Variants in PPP3CB observed in about 807,000 individuals in gnomAD.
PPP3CB encodes the protein serine/threonine-protein phosphatase 2B catalytic subunit beta isoform.
Under a neutral mutation model 66.4 loss-of-function variants are expected in PPP3CB, and 8 were observed. That is an observed-to-expected ratio of 0.12 (90% CI 0.07 to 0.22). The LOEUF (loss-of-function observed/expected upper bound fraction) is 0.22, where lower values mean the gene tolerates loss of function less well. PPP3CB is among the 10% of genes least tolerant of loss of function. The pLI is 1.00. For missense variants in PPP3CB, 319 were observed against 642.5 expected (o/e 0.50, Z 5.44); for synonymous variants, 208 against 221.2 (o/e 0.94, Z 0.53).
intron 1 of PPP3CB, among the ~76,000 whole-genome samples, chr10:73,488,690 T>C (rs2057026886): frequency 1.3e-5 from 2 of 152,076 alleles, no homozygotes; most frequent in South Asian, 2.1e-4. Context: ...AATTTCAAGG[T>C]ATCCATTGGG....
intron 1 of PPP3CB, among the ~76,000 whole-genome samples, chr10:73,480,897 T>A (rs75275023): frequency 0.045 from 6,793 of 152,284 alleles, 461 homozygotes; most frequent in African/African-American, 0.15. Context: ...AACATGAACA[T>A]CTATTTCAAT....
intron 12 of PPP3CB, among the ~76,000 whole-genome samples, chr10:73,441,742 G>A (rs1255040169): frequency 6.6e-6 from 1 of 152,120 alleles, no homozygotes; most frequent in Non-Finnish European, 1.5e-5. Context: ...ATCCTGGTGA[G>A]GGTAGCATTA....
chr10:73,487,588 A>AAC (rs1564570363), intron 1 of PPP3CB, among the ~76,000 whole-genome samples: 1 of 148,854 alleles, frequency 6.7e-6, no homozygotes, highest in African/African-American at 2.6e-5. Flanking sequence ...AAAAAAACAA[A>AAC]CAGGAAAAAC....
At position 73,438,164 on chromosome 10, in the gene PPP3CB, C is replaced by G. The variant is rs930857032; in HGVS notation, c.*78G>C. 97 of 1,394,094 alleles carry G rather than the reference C, an allele frequency of 7.0e-5. No homozygotes were observed. The highest frequency in any genetic ancestry group is 1.1e-5 in the Non-Finnish European group (11 of 1,016,372). 86.4% of individuals were successfully genotyped at this position (1,394,094 alleles called of 1,614,324 possible). A position where few individuals can be genotyped will look rare whatever the true frequency, so the allele number is the denominator to read the frequency against. On this transcript the variant is annotated 3_prime_UTR_variant, in exon 14 of 14. Coordinates refer to ENST00000360663, the MANE Select transcript of PPP3CB (RefSeq NM_021132.4). ...GAGAGACTGTGAAATTTACAGTCAG[C>G]TTGGCCGACCCCTCCAGCTCCTCGG...
At chr10:73,460,883 T>C (rs2056509348) in intron 9 of PPP3CB, among the ~76,000 whole-genome samples, 1 of 152,176 alleles carries the variant, frequency 6.6e-6, no homozygotes, top group African/African-American at 2.4e-5. Context: ...AGAAGGTGTA[T>C]GAGAAAGCCT....
rs141178652 is a variant in PPP3CB, at chr10:73,483,652, G to A, written c.86-4135C>T. 1.1e-4 allele frequency among the ~76,000 whole-genome samples: 16 copies of A among 152,122 alleles called. 1 individual carries two copies. The South Asian group carries it at 1.2e-3, about 12-fold the overall frequency. On this transcript the variant is annotated intron_variant, in intron 1 of 13. Transcript: ENST00000360663. ...AGCCTGGGAGACAGAGCAAGACTCC[G>A]TCTAAAGATAAAAAATAAAAATAAA...
chr10:73,490,340 A>G (rs865889965), intron 1 of PPP3CB, among the ~76,000 whole-genome samples: 2 of 152,206 alleles, frequency 1.3e-5, no homozygotes, highest in South Asian at 4.1e-4. Context: ...TTAATTTTTC[A>G]TGAATATTTA....
chr10:73,471,795 CAGAT>C (rs1206281501), intron 4 of PPP3CB, among the ~76,000 whole-genome samples, 182 bp from the exon 5 acceptor site: 2 of 152,154 alleles, frequency 1.3e-5, no homozygotes, highest in African/African-American at 4.8e-5. Flanking sequence ...GACAGACAGA[CAGAT>C]GGCAAGAAAA....
chr10:73,460,415 G>A (rs111956357), intron 9 of PPP3CB, among the ~76,000 whole-genome samples: 6,787 of 151,930 alleles, frequency 0.045, 460 homozygotes, highest in African/African-American at 0.15. Flanking sequence ...GGACATAAAC[G>A]ATAAAGCAAG....
At chr10:73,472,524 TA>T (rs1260063301) in intron 4 of PPP3CB, among the ~76,000 whole-genome samples, 1 of 151,902 alleles carries the variant, frequency 6.6e-6, no homozygotes, top group Non-Finnish European at 1.5e-5. Flanking sequence ...AGAAATCTCT[TA>T]AAAACAGCTC....
chr10:73,478,692 C>T (rs998875037), intron 2 of PPP3CB, 69 bp from the exon 3 acceptor site: 15 of 1,385,044 alleles, frequency 1.1e-5, no homozygotes, highest in Admixed American at 5.7e-5. Context: ...TAAGTTAAAA[C>T]GTATTTTACA....
In PPP3CB at chr10:73,450,088, G is replaced by A. The variant is rs370536417; in HGVS notation, c.1187-3515C>T. Among the ~76,000 whole-genome samples the A allele has an allele frequency of 9.2e-5, 14 of 152,242 alleles. No homozygotes were observed. In the East Asian group the frequency reaches 1.5e-3, roughly 17 times the overall value. ...GCTGGGATTACAGGCCTGAGCCACC[G>A]CGCCCGGCCATCTTAGCTTTAAATA... On this transcript the variant is annotated intron_variant, in intron 10 of 13. Transcript: ENST00000360663.
chr10:73,452,132 C>A (rs376150943), intron 10 of PPP3CB, among the ~76,000 whole-genome samples: 4 of 152,056 alleles, frequency 2.6e-5, no homozygotes, highest in African/African-American at 9.7e-5. Flanking sequence ...AAAACTCTCA[C>A]TAAATATTTC....
intron 12 of PPP3CB, among the ~76,000 whole-genome samples, chr10:73,440,126 C>A (rs1415701915): frequency 6.6e-6 from 1 of 152,184 alleles, no homozygotes; most frequent in Non-Finnish European, 1.5e-5. Context: ...TCACTCAGAG[C>A]ACAGAACACA....
In PPP3CB at chr10:73,436,597, T is replaced by A. The variant is rs2056076309; in HGVS notation, c.*1645A>T. The A allele has an allele frequency of 1.3e-5, 2 of 152,196 alleles. No homozygotes were observed. The highest frequency in any genetic ancestry group is 2.9e-5 in the Non-Finnish European group (2 of 68,026). 9.4% of individuals were successfully genotyped at this position (152,196 alleles called of 1,614,324 possible). On this transcript the variant is annotated 3_prime_UTR_variant, in exon 14 of 14. Coordinates refer to ENST00000360663, the MANE Select transcript of PPP3CB (RefSeq NM_021132.4). ...ACAGTAGGCATTCAAAGTCCTCTAG[T>A]GCTCAGTTACTAATGCTCATGTAAA... is the stretch of plus-strand genomic sequence containing the variant.
At chr10:73,455,029 T>C (rs114653980) in intron 9 of PPP3CB, among the ~76,000 whole-genome samples, 7,063 of 151,966 alleles carry the variant, frequency 0.046, 496 homozygotes, top group African/African-American at 0.15. Context: ...CCCATCGTCA[T>C]GCCCAGCTAA....
intron 9 of PPP3CB, among the ~76,000 whole-genome samples, chr10:73,457,749 A>AAG (rs1554823099): frequency 1.8e-4 from 28 of 151,440 alleles, no homozygotes; most frequent in Non-Finnish European, 3.2e-4. Context: ...AAAAAAAAAA[A>AAG]AAAGAAAGAA....
At chr10:73,491,796 C>CCCA (rs1564572466) in intron 1 of PPP3CB, among the ~76,000 whole-genome samples, 1 of 151,872 alleles carries the variant, frequency 6.6e-6, no homozygotes, top group East Asian at 2.0e-4. Flanking sequence ...GGAGAAATGT[C>CCCA]GTCTCTACTA....
chr10:73,470,459 G>A (rs759607691), intron 8 of PPP3CB, among the ~76,000 whole-genome samples: 74 of 152,226 alleles, frequency 4.9e-4, no homozygotes, highest in Non-Finnish European at 7.9e-4. Flanking sequence ...CTCAGAGCAC[G>A]TTTTACAAAA....
Sources: gnomAD v4.1 joint callset for allele counts (sites outside exome capture counted in the v4.1 genomes callset) on GRCh38, gnomAD v4.1.1 for gene constraint, MANE v1.5 for transcripts, NCBI Gene and HGNC (gene_info 2026-07-23, HGNC 2026-07-21) for gene names.